TLL1: variants seen among roughly 807,000 people sequenced by gnomAD.
The protein encoded by TLL1 is tolloid-like protein 1.
In TLL1, 49 loss-of-function variants were observed where a neutral mutation model predicts 128.2. The observed-to-expected ratio is 0.38, with a 90% CI of 0.30 to 0.48. The LOEUF (loss-of-function observed/expected upper bound fraction) is 0.48, where lower values mean the gene tolerates loss of function less well. Ranked by LOEUF, TLL1 falls within the 20% of genes least tolerant of loss-of-function variation. The pLI, the probability that TLL1 is intolerant of heterozygous loss-of-function variation, is 0.96. For synonymous variants in TLL1, 454 were observed against 418.8 expected (o/e 1.08, Z -1.03); for missense variants, 1,123 against 1,242.0 (o/e 0.90, Z 1.44).
chr4:165,990,387 G>T (rs900019871), intron 2 of TLL1, among the ~76,000 whole-genome samples: 1 of 151,780 alleles, frequency 6.6e-6, no homozygotes, highest in South Asian at 2.1e-4. Flanking sequence ...GGTCCTTTCT[G>T]ATATCAAATG....
At chr4:165,986,221 A>G (rs957459950) in intron 1 of TLL1, among the ~76,000 whole-genome samples, 14 of 152,084 alleles carry the variant, frequency 9.2e-5, no homozygotes, top group Non-Finnish European at 1.6e-4. Flanking sequence ...TGTCAGATAT[A>G]TATTAGATTA....
intron 1 of TLL1, among the ~76,000 whole-genome samples, chr4:165,912,710 C>T (rs1222792028): frequency 1.3e-5 from 2 of 152,114 alleles, no homozygotes; most frequent in African/African-American, 2.4e-5. Flanking sequence ...TTAGGGACTC[C>T]GGTATCGTTC....
chr4:166,092,773 T>G (rs1444867793), intron 19 of TLL1, among the ~76,000 whole-genome samples: 2 of 152,282 alleles, frequency 1.3e-5, no homozygotes, highest in Non-Finnish European at 2.9e-5. Flanking sequence ...ACTGTCTCTT[T>G]TTACCCCTTG....
chr4:166,087,701 A>G (rs371214112), intron 18 of TLL1, among the ~76,000 whole-genome samples: 2 of 152,128 alleles, frequency 1.3e-5, no homozygotes, highest in East Asian at 1.9e-4. Context: ...TTCTTTAGCT[A>G]TTGCCTGTAT....
Position 166,000,728 on chromosome 4 carries a change from T to G in TLL1, c.633-2663T>G, listed in dbSNP as rs527478910. On this transcript the variant is annotated intron_variant, in intron 5 of 20. Transcript: ENST00000061240. ...CAAAATTTGAAATTTTTTTTTGTTT[T>G]TTTCTTCATCTAATATATTTTTAGG... Among the ~76,000 whole-genome samples, 103 of 152,300 alleles carry G rather than the reference T, an allele frequency of 6.8e-4. No homozygotes were observed. In the South Asian group the frequency reaches 0.021, roughly 31 times the overall value.
intron 19 of TLL1, among the ~76,000 whole-genome samples, chr4:166,092,713 T>C (rs889697084): frequency 8.9e-6 from 1 of 111,746 alleles, no homozygotes; most frequent in Non-Finnish European, 1.8e-5. Context: ...GATGATATAG[T>C]ATTTTAAGAT....
chr4:165,953,647 T>A (rs984637292), intron 1 of TLL1, among the ~76,000 whole-genome samples: 3 of 150,130 alleles, frequency 2.0e-5, no homozygotes, highest in South Asian at 2.1e-4. Flanking sequence ...TATATATATA[T>A]AAATATTATG....
intron 15 of TLL1, among the ~76,000 whole-genome samples, chr4:166,060,653 T>C (rs1437215948): frequency 6.6e-6 from 1 of 152,202 alleles, no homozygotes; most frequent in Non-Finnish European, 1.5e-5. Flanking sequence ...GAAAGATTAA[T>C]TTTTTAACCT....
chr4:165,908,582 CAAA>C (rs575726410), intron 1 of TLL1, among the ~76,000 whole-genome samples: 8 of 63,552 alleles, frequency 1.3e-4, no homozygotes, highest in Admixed American at 1.7e-4. Context: ...GACCCTGTCT[CAAA>C]AAAAAAAAAA....
chr4:166,061,429 G>C (rs372286791), intron 15 of TLL1, among the ~76,000 whole-genome samples: 18 of 151,896 alleles, frequency 1.2e-4, no homozygotes, highest in African/African-American at 1.7e-4. Flanking sequence ...GCATTTAGTA[G>C]AGACGGGGTT....
At chr4:166,078,688 T>C (rs916924640) in intron 18 of TLL1, among the ~76,000 whole-genome samples, 1 of 150,818 alleles carries the variant, frequency 6.6e-6, no homozygotes, top group Non-Finnish European at 1.5e-5. Flanking sequence ...GGCCACAGAG[T>C]GTTTAAACAG....
chr4:165,891,351 T>C (rs757684072), intron 1 of TLL1, among the ~76,000 whole-genome samples: 18 of 152,188 alleles, frequency 1.2e-4, no homozygotes, highest in Admixed American at 2.0e-4. Context: ...TCTTTTTCTA[T>C]ATCATCATCA....
chr4:165,885,633 T>C (rs1343216637), intron 1 of TLL1, among the ~76,000 whole-genome samples: 1 of 152,048 alleles, frequency 6.6e-6, no homozygotes, highest in African/African-American at 2.4e-5. Flanking sequence ...GCAAGGTATG[T>C]GAGAATAGCA....
chr4:166,044,582 T>G (rs553624478), intron 12 of TLL1: 1 of 667,462 alleles, frequency 1.5e-6, no homozygotes, highest in African/African-American at 1.8e-5. Flanking sequence ...TTTTTTTTTG[T>G]ACTTTTGGAA....
At chr4:165,888,952 G>A (rs986872529) in intron 1 of TLL1, among the ~76,000 whole-genome samples, 2 of 152,140 alleles carry the variant, frequency 1.3e-5, no homozygotes, top group Non-Finnish European at 2.9e-5. Flanking sequence ...TTTGGCAAAT[G>A]CCCTCAGTTG....
In TLL1 at chr4:165,903,912, G is replaced by GT. The variant is rs61270114; in HGVS notation, c.169+29846dup. 5.6e-3 allele frequency among the ~76,000 whole-genome samples: 851 copies of GT among 151,566 alleles called. 12 individuals are homozygous for GT. Among genetic ancestry groups the GT allele is most frequent in the African/African-American group, 0.018 (736 of 41,274 alleles). On this transcript the variant is annotated intron_variant, in intron 1 of 20. Transcript: ENST00000061240. ...AAGGGGTATACATAAAATATATAGG[G>GT]TTTTTTTGGTATAAAAGTAAATAAA...
chr4:165,909,196 G>GA (rs768989584), intron 1 of TLL1, among the ~76,000 whole-genome samples: 14 of 150,434 alleles, frequency 9.3e-5, no homozygotes, highest in Non-Finnish European at 1.9e-4. Context: ...CAAAAAAAAA[G>GA]AAAAAAGAAA....
chr4:165,912,135 A>C (rs1324660121), intron 1 of TLL1, among the ~76,000 whole-genome samples: 1 of 152,150 alleles, frequency 6.6e-6, no homozygotes, highest in African/African-American at 2.4e-5. Flanking sequence ...TCGGCCTCCC[A>C]AAGTAATGGT....
chr4:166,064,149 A>G (rs1054280705), intron 15 of TLL1, among the ~76,000 whole-genome samples: 1 of 152,138 alleles, frequency 6.6e-6, no homozygotes, highest in Admixed American at 6.6e-5. Flanking sequence ...CTTTACATGA[A>G]ATATAATTTT....
Sources: gnomAD v4.1 joint callset for allele counts (sites outside exome capture counted in the v4.1 genomes callset) on GRCh38, gnomAD v4.1.1 for gene constraint, MANE v1.5 for transcripts, NCBI Gene and HGNC (gene_info 2026-07-23, HGNC 2026-07-21) for gene names.